PIP4K2A: variants seen among roughly 807,000 people sequenced by gnomAD.
The protein encoded by PIP4K2A is phosphatidylinositol-5-phosphate 4-kinase type 2 alpha.
In PIP4K2A, 14 loss-of-function variants were observed where a neutral mutation model predicts 42.9. That is an observed-to-expected ratio of 0.33 (90% CI 0.22 to 0.51). PIP4K2A has a LOEUF of 0.51. PIP4K2A is among the 20% of genes least tolerant of loss of function. The probability of loss-of-function intolerance (pLI) is 0.97; values close to 1 mark genes in which losing one functional copy is unlikely to be tolerated. For missense variants in PIP4K2A, 434 were observed against 519.8 expected (o/e 0.83, Z 1.61); for synonymous variants, 192 against 192.2 (o/e 1.00, Z 0.01).
intron 1 of PIP4K2A, among the ~76,000 whole-genome samples, chr10:22,690,293 G>T (rs757658811): frequency 6.6e-6 from 1 of 152,124 alleles, no homozygotes; most frequent in African/African-American, 2.4e-5. Flanking sequence ...CTTGCCCAAG[G>T]TCACACAGCT....
At chr10:22,694,204 A>C (rs1839925788) in intron 1 of PIP4K2A, 1 of 152,166 alleles carries the variant, frequency 6.6e-6, no homozygotes, top group Non-Finnish European at 1.5e-5. Context: ...AAGACAATCT[A>C]CTGAGTGCAA....
chr10:22,699,257 T>A (rs34504573), intron 1 of PIP4K2A, among the ~76,000 whole-genome samples: 1 of 152,084 alleles, frequency 6.6e-6, no homozygotes, highest in Non-Finnish European at 1.5e-5. Flanking sequence ...GAACCTAATT[T>A]ATGAATGGGT....
At chr10:22,627,060 C>A (rs998275106) in intron 1 of PIP4K2A, among the ~76,000 whole-genome samples, 3 of 151,864 alleles carry the variant, frequency 2.0e-5, no homozygotes, top group African/African-American at 7.3e-5. Context: ...CCATCTCCTC[C>A]CACGCATTCT....
chr10:22,580,713 T>C (rs563144661), intron 4 of PIP4K2A, among the ~76,000 whole-genome samples: 2 of 152,326 alleles, frequency 1.3e-5, no homozygotes, highest in African/African-American at 4.8e-5. Context: ...ATTACAAGAA[T>C]GCCAAAGTTA....
chr10:22,580,552 T>A (rs554781631), intron 4 of PIP4K2A, among the ~76,000 whole-genome samples: 2 of 149,846 alleles, frequency 1.3e-5, no homozygotes, highest in African/African-American at 5.1e-5. Context: ...AATGCCATGC[T>A]TTTAACAACC....
chr10:22,684,025 A>C (rs1839714608), intron 1 of PIP4K2A, among the ~76,000 whole-genome samples: 1 of 152,114 alleles, frequency 6.6e-6, no homozygotes, highest in African/African-American at 2.4e-5. Flanking sequence ...TGAAATACTC[A>C]CAAGAAGCCT....
chr10:22,575,484 T>A (rs1323910820), intron 4 of PIP4K2A, among the ~76,000 whole-genome samples: 1 of 152,198 alleles, frequency 6.6e-6, no homozygotes, highest in African/African-American at 2.4e-5. Context: ...CAAAGAACCA[T>A]TATTCATGCT....
Position 22,535,892 on chromosome 10 carries a change from A to G in PIP4K2A, c.*1309T>C. On this transcript the variant is annotated 3_prime_UTR_variant, in exon 10 of 10. Coordinates refer to ENST00000376573, the MANE Select transcript of PIP4K2A (RefSeq NM_005028.5). ...GGTTGATAAATGTACATTTGGAGGA[A>G]AAAAAAATCCTTTTCCTTTTATTGT... 1 of 226,350 alleles carries G rather than the reference A, an allele frequency of 4.4e-6. No individual in the cohort carries two copies. The highest frequency in any genetic ancestry group is 6.9e-6 in the Non-Finnish European group (1 of 145,636). The allele number at this position is 226,350 out of a possible 1,614,324, so 14.0% of individuals were successfully genotyped here. A position where few individuals can be genotyped will look rare whatever the true frequency, so the allele number is the denominator to read the frequency against.
intron 3 of PIP4K2A, among the ~76,000 whole-genome samples, chr10:22,603,453 T>C (rs2130840631): frequency 6.6e-6 from 1 of 152,138 alleles, no homozygotes; most frequent in African/African-American, 2.4e-5. Flanking sequence ...CCAGTCTCTC[T>C]GGGTATAAAC....
At chr10:22,696,081 CATA>C (rs1322709351) in intron 1 of PIP4K2A, among the ~76,000 whole-genome samples, 6 of 152,270 alleles carry the variant, frequency 3.9e-5, no homozygotes, top group African/African-American at 9.6e-5. Context: ...CTCAGAGGGA[CATA>C]ATATTTTAAA....
At chr10:22,574,890 G>A (rs779687419) in intron 4 of PIP4K2A, among the ~76,000 whole-genome samples, 13 of 152,162 alleles carry the variant, frequency 8.5e-5, no homozygotes, top group Non-Finnish European at 1.6e-4. Context: ...ATGAAAAGGG[G>A]TTCTTGGCCT....
At chr10:22,701,469 G>A (rs1387946395) in intron 1 of PIP4K2A, among the ~76,000 whole-genome samples, 2 of 152,162 alleles carry the variant, frequency 1.3e-5, no homozygotes, top group African/African-American at 4.8e-5. Context: ...CCCTGCCCAA[G>A]CTCAGGTTCC....
intron 1 of PIP4K2A, among the ~76,000 whole-genome samples, chr10:22,640,161 A>C (rs949173235): frequency 2.0e-5 from 3 of 152,140 alleles, no homozygotes; most frequent in African/African-American, 7.2e-5. Context: ...TTAAAACACA[A>C]TCCTCTACAT....
In PIP4K2A at chr10:22,558,520, A is replaced by G. The variant is rs566745626; in HGVS notation, c.679-7748T>C. On this transcript the variant is annotated intron_variant, in intron 6 of 9. Transcript: ENST00000376573. Reference sequence around the variant, plus strand: ...ACAAATTTGATACATCAAAAGGCAAATTAGTGGATACGGATAAAGTTCATA... The same window carrying G: ...ACAAATTTGATACATCAAAAGGCAAGTTAGTGGATACGGATAAAGTTCATA... Among the ~76,000 whole-genome samples, 13 of 152,342 alleles carry G rather than the reference A, an allele frequency of 8.5e-5. No individual in the cohort carries two copies. In the East Asian group the frequency reaches 1.7e-3, roughly 20 times the overall value.
At chr10:22,555,558 C>T (rs933472977) in intron 6 of PIP4K2A, among the ~76,000 whole-genome samples, 1 of 152,080 alleles carries the variant, frequency 6.6e-6, no homozygotes, top group Non-Finnish European at 1.5e-5. Flanking sequence ...ATGTTCTGGG[C>T]CAGTTGCTTA....
intron 1 of PIP4K2A, among the ~76,000 whole-genome samples, chr10:22,690,588 TTCTTC>T (rs1311588213): frequency 6.6e-6 from 1 of 152,182 alleles, no homozygotes; most frequent in Non-Finnish European, 1.5e-5. Context: ...ATGTGCTCTT[TTCTTC>T]AAAGAGCACA....
intron 1 of PIP4K2A, among the ~76,000 whole-genome samples, chr10:22,695,145 T>C (rs888342636): frequency 2.6e-5 from 4 of 152,204 alleles, no homozygotes; most frequent in African/African-American, 9.6e-5. Flanking sequence ...ATAACCTTCA[T>C]TTGAAAAAAT....
intron 1 of PIP4K2A, among the ~76,000 whole-genome samples, chr10:22,654,908 C>A (rs1839068699): frequency 6.6e-6 from 1 of 152,082 alleles, no homozygotes; most frequent in Non-Finnish European, 1.5e-5. Flanking sequence ...GGGCCTGGGG[C>A]TTTACCCAAG....
intron 4 of PIP4K2A, among the ~76,000 whole-genome samples, chr10:22,589,422 T>A (rs1293904647): frequency 6.6e-6 from 1 of 152,208 alleles, no homozygotes. Context: ...GGCAGTAGCA[T>A]AAGCAGTGTA....
Sources: gnomAD v4.1 joint callset for allele counts (sites outside exome capture counted in the v4.1 genomes callset) on GRCh38, gnomAD v4.1.1 for gene constraint, MANE v1.5 for transcripts, NCBI Gene and HGNC (gene_info 2026-07-23, HGNC 2026-07-21) for gene names.